The following NOL4 variants were observed in gnomAD, a reference collection of about 807,000 sequenced individuals.
NOL4 encodes cancer/testis antigen 125.
Under a neutral mutation model 75.9 loss-of-function variants are expected in NOL4, and 17 were observed. That is an observed-to-expected ratio of 0.22 (90% confidence interval 0.15 to 0.34). The LOEUF (loss-of-function observed/expected upper bound fraction) is 0.34, where lower values mean the gene tolerates loss of function less well. Among genes scored for constraint, NOL4 ranks in the 10% least tolerant of loss-of-function variants. NOL4 has a pLI of 1.00. For synonymous variants in NOL4, 292 were observed against 289.9 expected (o/e 1.01, Z -0.07); for missense variants, 614 against 793.5 (o/e 0.77, Z 2.72).
At chr18:33,998,426 C>G (rs996721573) in intron 6 of NOL4, among the ~76,000 whole-genome samples, 1 of 151,946 alleles carries the variant, frequency 6.6e-6, no homozygotes, top group Admixed American at 6.6e-5. Flanking sequence ...GTATTATATA[C>G]CTTTTGAGGT....
chr18:34,142,118 A>C (rs1456495791), intron 1 of NOL4, among the ~76,000 whole-genome samples: 1 of 152,330 alleles, frequency 6.6e-6, no homozygotes, highest in African/African-American at 2.4e-5. Context: ...ATGCAAATCA[A>C]AACCACAATG....
At chr18:34,144,317 T>A (rs2081311735) in intron 1 of NOL4, among the ~76,000 whole-genome samples, 1 of 152,098 alleles carries the variant, frequency 6.6e-6, no homozygotes, top group Non-Finnish European at 1.5e-5. Context: ...ATATCAACAT[T>A]TTTATGTCAT....
chr18:33,879,177 A>C (rs1412695236), intron 10 of NOL4, among the ~76,000 whole-genome samples: 1 of 152,154 alleles, frequency 6.6e-6, no homozygotes, highest in Non-Finnish European at 1.5e-5. Context: ...TATATGAAAC[A>C]GTGTAAAAAC....
intron 2 of NOL4, 132 bp from the exon 3 acceptor site, chr18:34,105,292 GCATACCA>G: frequency 1.7e-6 from 1 of 589,790 alleles, no homozygotes; most frequent in Non-Finnish European, 3.0e-6. Context: ...AGCATGCATT[GCATACCA>G]TGCATCATTT....
chr18:34,072,681 A>G (rs2145280561), intron 5 of NOL4, among the ~76,000 whole-genome samples: 1 of 152,316 alleles, frequency 6.6e-6, no homozygotes, highest in African/African-American at 2.4e-5. Context: ...TTACCAAGTC[A>G]GGTCATGTGC....
intron 9 of NOL4, among the ~76,000 whole-genome samples, chr18:33,895,019 G>A (rs2065315566): frequency 6.6e-6 from 1 of 152,064 alleles, no homozygotes; most frequent in African/African-American, 2.4e-5. Flanking sequence ...TGATAGATAT[G>A]TCAATTAGCT....
At chr18:34,066,621 G>C (rs2077286108) in intron 5 of NOL4, among the ~76,000 whole-genome samples, 1 of 150,830 alleles carries the variant, frequency 6.6e-6, no homozygotes, top group Non-Finnish European at 1.5e-5. Context: ...TTCCAAAACT[G>C]TCTATGAAAC....
At chr18:34,147,547 T>C (rs1294705786) in intron 1 of NOL4, among the ~76,000 whole-genome samples, 1 of 152,186 alleles carries the variant, frequency 6.6e-6, no homozygotes, top group Non-Finnish European at 1.5e-5. Context: ...GAACCAGCCT[T>C]GCATCCCAGG....
Position 34,129,810 on chromosome 18 carries a change from C to T in NOL4, c.414+61G>A, listed in dbSNP as rs1368429150. ...TTTATAATTATCGAACCCATTTAAA[C>T]AAGGATACATAATATCAAGTCTCGA... On this transcript the variant is annotated intron_variant, in intron 2 of 10. Transcript: ENST00000261592. The T allele has an allele frequency of 2.1e-6, 3 of 1,421,438 alleles. No homozygotes were observed. In the East Asian group the frequency reaches 7.3e-5, roughly 35 times the overall value. 88.1% of individuals were successfully genotyped at this position (1,421,438 alleles called of 1,614,324 possible). A position where few individuals can be genotyped will look rare whatever the true frequency, so the allele number is the denominator to read the frequency against.
intron 5 of NOL4, among the ~76,000 whole-genome samples, chr18:34,081,471 A>G (rs2078009503): frequency 6.6e-6 from 1 of 152,182 alleles, no homozygotes; most frequent in Admixed American, 6.5e-5. Flanking sequence ...TATAATTGAT[A>G]GCTGAAAATA....
intron 5 of NOL4, among the ~76,000 whole-genome samples, chr18:34,042,372 G>A (rs773446373): frequency 4.6e-5 from 7 of 151,946 alleles, no homozygotes; most frequent in Non-Finnish European, 7.4e-5. Flanking sequence ...AAACATGATG[G>A]TATTTTCTAA....
chr18:34,196,278 G>A (rs1043580129), intron 1 of NOL4, among the ~76,000 whole-genome samples: 2 of 152,070 alleles, frequency 1.3e-5, no homozygotes, highest in Non-Finnish European at 2.9e-5. Context: ...ACTAAGGACA[G>A]TCAACTAGCT....
At chr18:34,077,040 T>C (rs2077775400) in intron 5 of NOL4, among the ~76,000 whole-genome samples, 3 of 152,186 alleles carry the variant, frequency 2.0e-5, no homozygotes, top group South Asian at 4.1e-4. Context: ...GCACAGTGGT[T>C]CACACCTATA....
intron 6 of NOL4, among the ~76,000 whole-genome samples, chr18:33,977,196 C>A (rs983079238): frequency 6.6e-6 from 1 of 152,074 alleles, no homozygotes; most frequent in African/African-American, 2.4e-5. Context: ...CTATTACATT[C>A]ACTTTAGCAG....
rs547698497 is a variant in NOL4, at chr18:34,077,422, T to G, written c.772+16043A>C. 7.9e-5 allele frequency among the ~76,000 whole-genome samples: 12 copies of G among 152,254 alleles called. No homozygotes were observed. In the South Asian group the frequency reaches 2.5e-3, roughly 32 times the overall value. ...ATGCTTTCATATATCTACATATATA[T>G]AGATATATACACATATATACACACA... On this transcript the variant is annotated intron_variant, in intron 5 of 10. Coordinates refer to ENST00000261592, the MANE Select transcript of NOL4 (RefSeq NM_003787.5).
At chr18:34,125,930 G>A (rs1401174566) in intron 2 of NOL4, among the ~76,000 whole-genome samples, 4 of 150,974 alleles carry the variant, frequency 2.6e-5, no homozygotes, top group Non-Finnish European at 5.9e-5. Context: ...AACCCAAACC[G>A]TGGACTTCCA....
At chr18:33,858,157 C>A (rs1290679547) in intron 10 of NOL4, among the ~76,000 whole-genome samples, 5 of 151,988 alleles carry the variant, frequency 3.3e-5, no homozygotes, top group Non-Finnish European at 5.9e-5. Flanking sequence ...ACTGTTCTTG[C>A]CATAATGCTA....
At chr18:34,177,251 G>A (rs1422808357) in intron 1 of NOL4, among the ~76,000 whole-genome samples, 1 of 151,924 alleles carries the variant, frequency 6.6e-6, no homozygotes, top group East Asian at 1.9e-4. Flanking sequence ...AAGCAGAGTA[G>A]TGCTTGCCTA....
Position 34,108,737 on chromosome 18 carries a change from G to A in NOL4, c.415-3577C>T, listed in dbSNP as rs568082279. ...CTGAGGGATAAACAAACAGCAACAC[G>A]TTAACAGCAGAGAACTTCAATATAT... On this transcript the variant is annotated intron_variant, in intron 2 of 10. Coordinates refer to ENST00000261592, the MANE Select transcript of NOL4 (RefSeq NM_003787.5). Among the ~76,000 whole-genome samples, 10 of 152,264 alleles carry A rather than the reference G, an allele frequency of 6.6e-5. 1 individual carries two copies. The highest frequency in any genetic ancestry group is 2.1e-4 in the South Asian group (1 of 4,830).
Sources: gnomAD v4.1 joint callset for allele counts (sites outside exome capture counted in the v4.1 genomes callset) on GRCh38, gnomAD v4.1.1 for gene constraint, MANE v1.5 for transcripts, NCBI Gene and HGNC (gene_info 2026-07-23, HGNC 2026-07-21) for gene names.